Variants in PALLD observed in about 807,000 individuals in gnomAD.
PALLD encodes the protein palladin.
In PALLD, 61 loss-of-function variants were observed where a neutral mutation model predicts 123.5. The observed-to-expected ratio is 0.49, with a 90% confidence interval of 0.40 to 0.61. The LOEUF (loss-of-function observed/expected upper bound fraction) is 0.61. Among genes scored for constraint, PALLD ranks in the 20% least tolerant of loss-of-function variants. The pLI, the probability that PALLD is intolerant of heterozygous loss-of-function variation, is 0.00. For missense variants in PALLD, 1,273 were observed against 1,377.0 expected, an observed-to-expected ratio of 0.92 and a Z score of 1.20; for synonymous variants, 465 against 496.4, an observed-to-expected ratio of 0.94 and a Z score of 0.84.
At chr4:168,677,759 TCTC>T (rs1298693129) in intron 3 of PALLD, 1 of 152,122 alleles carries the variant, frequency 6.6e-6, no homozygotes. Context: ...AGAGAAAACT[TCTC>T]CTGGCCCATA....
At chr4:168,742,211 T>G (rs1158483956) in intron 10 of PALLD, among the ~76,000 whole-genome samples, 4 of 152,234 alleles carry the variant, frequency 2.6e-5, no homozygotes. Context: ...TGGCAAGTGT[T>G]GTCCATCTCT....
intron 2 of PALLD, among the ~76,000 whole-genome samples, chr4:168,633,640 CT>C (rs1776051029): frequency 6.6e-6 from 1 of 152,210 alleles, no homozygotes; most frequent in East Asian, 1.9e-4. Context: ...AAATCACAGA[CT>C]AGAAATAGCA....
intron 2 of PALLD, among the ~76,000 whole-genome samples, chr4:168,623,954 A>G (rs926967393): frequency 6.6e-6 from 1 of 152,224 alleles, no homozygotes; most frequent in African/African-American, 2.4e-5. Context: ...ACATAACATA[A>G]TAAGATACAT....
In PALLD at chr4:168,508,941, G is replaced by C. The variant is rs1762275770; in HGVS notation, c.-82-2482G>C. Among the ~76,000 whole-genome samples, 3 of 152,196 alleles carry C rather than the reference G, an allele frequency of 2.0e-5. No homozygotes were observed. In the South Asian group the frequency reaches 6.2e-4, roughly 32 times the overall value. On this transcript the variant is annotated intron_variant, in intron 1 of 21. Transcript: ENST00000505667. The stretch of plus-strand genomic sequence containing the variant: ...ATTGTACTTCAGAGCTCATTACTGA[G>C]AGAAACCAGGCTGCCTTGGTAGGAC...
In PALLD at chr4:168,927,984, A is replaced by G. The variant is rs879750503; in HGVS notation, c.*1804A>G. On this transcript the variant is annotated 3_prime_UTR_variant, in exon 22 of 22. Coordinates refer to ENST00000505667, the MANE Select transcript of PALLD (RefSeq NM_001166108.2). ...ACGTAGTATTTTTTAAAATAATTTT[A>G]TATCTGTGTACCACCCCATATATTT... 30 of 195,238 alleles carry G rather than the reference A, an allele frequency of 1.5e-4. No homozygotes were observed. The highest frequency in any genetic ancestry group is 9.7e-4 in the Admixed American group (16 of 16,446). 12.1% of individuals were successfully genotyped at this position (195,238 alleles called of 1,614,324 possible).
chr4:168,679,583 G>C (rs556123717), intron 3 of PALLD, among the ~76,000 whole-genome samples: 2 of 151,166 alleles, frequency 1.3e-5, no homozygotes, highest in Non-Finnish European at 2.9e-5. Context: ...TCTTCACTGC[G>C]TATCCCCCTT....
At chr4:168,781,396 CT>C (rs1735904432) in intron 10 of PALLD, among the ~76,000 whole-genome samples, 1 of 152,210 alleles carries the variant, frequency 6.6e-6, no homozygotes, top group South Asian at 2.1e-4. Flanking sequence ...GAGCCAGCAG[CT>C]GGAGAACCAC....
chr4:168,543,084 A>G (rs1013432330), intron 2 of PALLD, among the ~76,000 whole-genome samples: 1 of 152,084 alleles, frequency 6.6e-6, no homozygotes. Flanking sequence ...TTTATGAGAA[A>G]GTATAGCACA....
intron 10 of PALLD, among the ~76,000 whole-genome samples, chr4:168,734,163 T>C (rs1787491594): frequency 1.3e-5 from 2 of 152,236 alleles, no homozygotes; most frequent in Admixed American, 6.5e-5. Context: ...AGGATTTGAA[T>C]TGGCATCTTA....
chr4:168,900,638 T>C (rs1560886106), intron 14 of PALLD, among the ~76,000 whole-genome samples: 1 of 152,194 alleles, frequency 6.6e-6, no homozygotes, highest in Non-Finnish European at 1.5e-5. Context: ...TTCTTAAAAC[T>C]GAATCGCAAC....
At chr4:168,811,766 T>TCACACACA (rs1395576537) in intron 10 of PALLD, among the ~76,000 whole-genome samples, 17 of 94,456 alleles carry the variant, frequency 1.8e-4, no homozygotes, top group African/African-American at 7.9e-4. Flanking sequence ...TTTCTCTCTC[T>TCACACACA]CTCTCTCTCT....
At chr4:168,628,402 G>A (rs966025553) in intron 2 of PALLD, among the ~76,000 whole-genome samples, 1 of 152,136 alleles carries the variant, frequency 6.6e-6, no homozygotes, top group African/African-American at 2.4e-5. Flanking sequence ...CTGGTTTAGC[G>A]GGTCCTACAC....
intron 10 of PALLD, among the ~76,000 whole-genome samples, chr4:168,813,365 G>A (rs1741444231): frequency 6.6e-6 from 1 of 152,112 alleles, no homozygotes; most frequent in Non-Finnish European, 1.5e-5. Flanking sequence ...TAAAAGAAGG[G>A]CTTTTAATGT....
At chr4:168,600,030 C>CATACATGTGTGTACACACACAT (rs1554048292) in intron 2 of PALLD, among the ~76,000 whole-genome samples, 10,577 of 144,060 alleles carry the variant, frequency 0.073, 384 homozygotes, top group Admixed American at 0.11. Context: ...TGTACACACA[C>CATACATGTGTGTACACACACAT]ATACATACAT....
At chr4:168,602,691 G>A (rs2149731120) in intron 2 of PALLD, among the ~76,000 whole-genome samples, 1 of 152,272 alleles carries the variant, frequency 6.6e-6, no homozygotes, top group Middle Eastern at 3.4e-3. Flanking sequence ...AAAAGTAAGG[G>A]ACTGTTAGTA....
chr4:168,917,783 TTCAG>T (rs1356926739), intron 17 of PALLD, among the ~76,000 whole-genome samples: 10 of 152,192 alleles, frequency 6.6e-5, no homozygotes, highest in Non-Finnish European at 1.5e-4. Context: ...CAAATTGTGT[TTCAG>T]TCTGTATATA....
At chr4:168,683,519 G>GA (rs1242638516) in intron 5 of PALLD, among the ~76,000 whole-genome samples, 2 of 152,034 alleles carry the variant, frequency 1.3e-5, no homozygotes, top group African/African-American at 4.8e-5. Flanking sequence ...AAACAAATAA[G>GA]AAAAAACAAC....
At chr4:168,682,546 A>G (rs1376497287) in intron 4 of PALLD, among the ~76,000 whole-genome samples, 3 of 152,214 alleles carry the variant, frequency 2.0e-5, no homozygotes, top group East Asian at 1.9e-4. Context: ...TAGAAACCAG[A>G]AAAAAGAACA....
intron 10 of PALLD, among the ~76,000 whole-genome samples, chr4:168,713,750 T>C (rs1785060282): frequency 6.7e-6 from 1 of 150,276 alleles, no homozygotes; most frequent in African/African-American, 2.4e-5. Context: ...AATATGAATA[T>C]ATATAAATAT....
Sources: allele counts gnomAD v4.1 joint callset (sites outside exome capture counted in the v4.1 genomes callset), GRCh38; gene constraint gnomAD v4.1.1; transcripts MANE v1.5; gene names NCBI Gene and HGNC (gene_info 2026-07-23, HGNC 2026-07-21).